Variants in FAAH2 observed in about 807,000 individuals in gnomAD.
FAAH2 encodes fatty acid amide hydrolase 2.
FAAH2 carries 60 observed loss-of-function variants against 36.9 expected under a neutral mutation model. The ratio of observed to expected loss-of-function variants is 1.63; its 90% confidence interval spans 1.32 to 2.02. The LOEUF (loss-of-function observed/expected upper bound fraction) is 2.02. Among genes scored for constraint, FAAH2 ranks in the 30% most tolerant of loss-of-function variants. The probability of loss-of-function intolerance (pLI) is 0.00; values close to 1 mark genes in which losing one functional copy is unlikely to be tolerated. For missense variants in FAAH2, 689 were observed against 397.5 expected, an observed-to-expected ratio of 1.73 and a Z score of -6.23; for synonymous variants, 214 against 143.8, an observed-to-expected ratio of 1.49 and a Z score of -3.49.
the FAAH2 span, among the ~76,000 whole-genome samples, chrX:57,236,114 G>A: frequency 9.0e-6 from 1 of 111,631 alleles, no homozygotes; most frequent in Middle Eastern, 4.2e-3. Flanking sequence ...TCTGTGCCTC[G>A]CTTATTTTCC....
chrX:57,370,301 T>G (rs2054519110), intron 5 of FAAH2, among the ~76,000 whole-genome samples: 1 of 111,402 alleles, frequency 9.0e-6, no homozygotes, highest in African/African-American at 3.3e-5. Context: ...AAGAAAAACA[T>G]AACCCAGCTG....
At chrX:57,128,748 T>C in the FAAH2 span, among the ~76,000 whole-genome samples, 27 of 112,208 alleles carry the variant, frequency 2.4e-4, no homozygotes, top group Non-Finnish European at 3.2e-4. Flanking sequence ...CAAGTATTTA[T>C]AGAGTGTCTC....
the FAAH2 span, among the ~76,000 whole-genome samples, chrX:57,249,719 T>C: frequency 8.9e-6 from 1 of 111,951 alleles, no homozygotes; most frequent in Non-Finnish European, 1.9e-5. Context: ...ACTCCAGTTT[T>C]TTCTGGGTAT....
At chrX:57,315,896 G>T (rs1172746294) in intron 3 of FAAH2, among the ~76,000 whole-genome samples, 3 of 110,952 alleles carry the variant, frequency 2.7e-5, no homozygotes, top group African/African-American at 9.8e-5. Context: ...CATAGTACTG[G>T]AAATCCTAGC....
chrX:57,127,334 G>T, the FAAH2 span: 1 of 111,029 alleles, frequency 9.0e-6, no homozygotes, highest in African/African-American at 3.3e-5. Flanking sequence ...AAACAAGCAT[G>T]AGGTAAAAAG....
At chrX:57,269,517 A>T in the FAAH2 span, among the ~76,000 whole-genome samples, 2 of 111,900 alleles carry the variant, frequency 1.8e-5, no homozygotes, top group African/African-American at 6.5e-5. Context: ...TGAAATCATA[A>T]CAAATAGTCT....
the FAAH2 span, among the ~76,000 whole-genome samples, chrX:57,177,897 A>G: frequency 9.1e-6 from 1 of 110,353 alleles, no homozygotes; most frequent in Non-Finnish European, 1.9e-5. Context: ...CTTGGCCTGC[A>G]GTCTGTTTAT....
chrX:57,310,868 T>C, intron 3 of FAAH2, 139 bp downstream of exon 3: 1 of 652,678 alleles, frequency 1.5e-6, no homozygotes, highest in South Asian at 3.8e-5. Context: ...GAGGAAATAT[T>C]CAGCAAGTTC....
the FAAH2 span, among the ~76,000 whole-genome samples, chrX:57,157,340 C>T: frequency 3.9e-4 from 44 of 111,800 alleles, no homozygotes; most frequent in African/African-American, 1.4e-3. Flanking sequence ...CTCAAATTTT[C>T]GAGGCCCTGA....
At chrX:57,163,471 C>T in the FAAH2 span, among the ~76,000 whole-genome samples, 1 of 111,844 alleles carries the variant, frequency 8.9e-6, no homozygotes. Context: ...TCGCTGCCGC[C>T]TTGCAGTTTG....
chrX:57,147,997 T>A, the FAAH2 span, among the ~76,000 whole-genome samples: 1 of 111,811 alleles, frequency 8.9e-6, no homozygotes, highest in South Asian at 3.8e-4. Flanking sequence ...TTACATAGAA[T>A]TTTCCACGTG....
Position 57,450,389 on chromosome X carries a change from G to A in FAAH2, c.1423+1671G>A, listed in dbSNP as rs1466952452. On this transcript the variant is annotated intron_variant, in intron 10 of 10. Coordinates refer to ENST00000374900, the MANE Select transcript of FAAH2 (RefSeq NM_174912.4). ...TGTGTAAAACCTGAGGAAACTGAAT[G>A]ATGTATAAAGTGATTTAAGGGTCAG... Among the ~76,000 whole-genome samples, 3 of 111,166 alleles carry A rather than the reference G, an allele frequency of 2.7e-5. No homozygotes were observed. The East Asian group carries it at 8.4e-4, about 31-fold the overall frequency.
At chrX:57,317,024 A>G (rs2052859519) in intron 3 of FAAH2, among the ~76,000 whole-genome samples, 2 of 112,159 alleles carry the variant, frequency 1.8e-5, no homozygotes, top group South Asian at 7.3e-4. Flanking sequence ...TCTATAAGGA[A>G]CTTAAGCAAA....
chrX:57,476,850 T>G (rs2057280605), intron 10 of FAAH2, among the ~76,000 whole-genome samples: 1 of 109,581 alleles, frequency 9.1e-6, no homozygotes, highest in Non-Finnish European at 1.9e-5. Flanking sequence ...GGACTTTTTT[T>G]TTTTTAATTA....
intron 7 of FAAH2, among the ~76,000 whole-genome samples, chrX:57,388,424 C>T (rs1461891703): frequency 9.0e-6 from 1 of 111,086 alleles, no homozygotes; most frequent in African/African-American, 3.3e-5. Context: ...CTTACTTTTA[C>T]CTATTTTGTA....
chrX:57,150,854 C>T, the FAAH2 span, among the ~76,000 whole-genome samples: 4 of 111,933 alleles, frequency 3.6e-5, no homozygotes, highest in African/African-American at 1.3e-4. Context: ...TCTGCCTAGC[C>T]TTGATGGTCT....
intron 3 of FAAH2, among the ~76,000 whole-genome samples, chrX:57,320,024 G>T (rs1450746974): frequency 1.8e-5 from 2 of 111,692 alleles, no homozygotes; most frequent in Admixed American, 1.9e-4. Flanking sequence ...ACTCAAGATG[G>T]ATTAAAGACT....
At chrX:57,273,793 A>T in the FAAH2 span, among the ~76,000 whole-genome samples, 3 of 111,889 alleles carry the variant, frequency 2.7e-5, no homozygotes, top group Non-Finnish European at 5.6e-5. Context: ...CACTAAATGC[A>T]CACAAGAGAA....
the FAAH2 span, among the ~76,000 whole-genome samples, chrX:57,183,042 G>A: frequency 9.0e-6 from 1 of 110,663 alleles, no homozygotes; most frequent in African/African-American, 3.3e-5. Context: ...AGGAACAACA[G>A]ACATGGAGGC....
Sources: gnomAD v4.1 joint callset for allele counts (sites outside exome capture counted in the v4.1 genomes callset) on GRCh38, gnomAD v4.1.1 for gene constraint, MANE v1.5 for transcripts, NCBI Gene and HGNC (gene_info 2026-07-23, HGNC 2026-07-21) for gene names.